The following ARPP21 variants were observed in gnomAD, a reference collection of about 807,000 sequenced individuals.
ARPP21 encodes the protein cAMP-regulated phosphoprotein 21.
A neutral mutation model predicts 113.2 loss-of-function variants in ARPP21; 69 were observed. The observed-to-expected ratio is 0.61, with a 90% confidence interval of 0.50 to 0.74. The LOEUF (loss-of-function observed/expected upper bound fraction) is 0.74, where lower values mean the gene tolerates loss of function less well. ARPP21 is among the 30% of genes least tolerant of loss of function. The pLI, the probability that ARPP21 is intolerant of heterozygous loss-of-function variation, is 0.00. For missense variants in ARPP21, 1,070 were observed against 1,037.4 expected, an observed-to-expected ratio of 1.03 and a Z score of -0.43; for synonymous variants, 368 against 375.5, an observed-to-expected ratio of 0.98 and a Z score of 0.23.
At chr3:35,744,585 C>G (rs371093204) in intron 19 of ARPP21, 1 of 508,796 alleles carries the variant, frequency 2.0e-6, no homozygotes, top group Non-Finnish European at 4.0e-6. Context: ...TGCCGTTATC[C>G]AAAGAGCAGC....
At chr3:35,680,336 C>A (rs1196950065) in intron 2 of ARPP21, among the ~76,000 whole-genome samples, 1 of 151,872 alleles carries the variant, frequency 6.6e-6, no homozygotes, top group Non-Finnish European at 1.5e-5. Context: ...TAAAACCTCC[C>A]AAAACCTGAA....
chr3:35,715,074 C>T (rs1559718297), intron 11 of ARPP21: 1 of 202,054 alleles, frequency 4.9e-6, no homozygotes, highest in African/African-American at 2.3e-5. Flanking sequence ...AACCCTTTCC[C>T]TTGGCTTCTG....
intron 8 of ARPP21, 122 bp downstream of exon 8, chr3:35,690,262 T>C (rs2081857237): frequency 1.6e-6 from 1 of 637,556 alleles, no homozygotes; most frequent in Non-Finnish European, 2.8e-6. Flanking sequence ...TTCCTTGATT[T>C]GTTAAATGGA....
intron 19 of ARPP21, among the ~76,000 whole-genome samples, chr3:35,749,771 C>T (rs1000139038): frequency 2.0e-5 from 3 of 151,942 alleles, no homozygotes; most frequent in African/African-American, 7.2e-5. Context: ...TATATTTAAT[C>T]TTTGCTTAGT....
At chr3:35,738,664 A>G (rs763465829) in intron 17 of ARPP21, among the ~76,000 whole-genome samples, 38 of 152,158 alleles carry the variant, frequency 2.5e-4, no homozygotes, top group Non-Finnish European at 5.1e-4. Context: ...TGGTGTTGGG[A>G]TGGGAACCAT....
intron 11 of ARPP21, among the ~76,000 whole-genome samples, chr3:35,713,266 A>G (rs1025105362): frequency 3.9e-5 from 6 of 152,042 alleles, no homozygotes; most frequent in Non-Finnish European, 5.9e-5. Context: ...GTTTATTTTC[A>G]TCAGCTAGTG....
In ARPP21 at chr3:35,661,764, G is replaced by T. The variant is rs141987406; in HGVS notation, c.-212-18023G>T. On this transcript the variant is annotated intron_variant, in intron 1 of 20. Coordinates refer to ENST00000684406, the MANE Select transcript of ARPP21 (RefSeq NM_001385562.1). The stretch of plus-strand genomic sequence containing the variant: ...CACAGTGGATGCCTTTGTATTTATT[G>T]TGTTACCTTGGGCAAGTTCCTTGAC... Among the ~76,000 whole-genome samples, 446 of 152,226 alleles carry T rather than the reference G, an allele frequency of 2.9e-3. 3 individuals are homozygous for T. The highest frequency in any genetic ancestry group is 0.01 in the African/African-American group (417 of 41,552).
At chr3:35,721,281 C>G (rs923761983) in intron 13 of ARPP21, among the ~76,000 whole-genome samples, 1 of 152,100 alleles carries the variant, frequency 6.6e-6, no homozygotes, top group African/African-American at 2.4e-5. Flanking sequence ...GAAGTTATCC[C>G]CCTATTCTAT....
Position 35,667,877 on chromosome 3 carries a change from GA to G in ARPP21, c.-212-11908del, listed in dbSNP as rs1559547746. Among the ~76,000 whole-genome samples the G allele has an allele frequency of 6.5e-4, 89 of 136,432 alleles. 5 individuals carry two copies. Among genetic ancestry groups the G allele is most frequent in the African/African-American group, 1.8e-3 (58 of 31,600 alleles). 89.5% of individuals were successfully genotyped at this position (136,432 alleles called of 152,430 possible). A position where few individuals can be genotyped will look rare whatever the true frequency, so the allele number is the denominator to read the frequency against. ...AGAAGAAGAAGAAGAAGAAGAAGAAGAAGAAGAAGAAGAGGAAGAGGAAGAG... is the reference window on the plus strand; with the variant it reads ...AGAAGAAGAAGAAGAAGAAGAAGAAGAGAAGAAGAAGAGGAAGAGGAAGAG... On this transcript the variant is annotated intron_variant, in intron 1 of 20. Coordinates refer to ENST00000684406, the MANE Select transcript of ARPP21 (RefSeq NM_001385562.1).
rs778243845 is a variant in ARPP21, at chr3:35,792,462, A to T, written c.2218A>T (p.Ile740Leu). 1 of 1,614,060 alleles carries T rather than the reference A, an allele frequency of 6.2e-7. No individual in the cohort carries two copies. Among genetic ancestry groups the T allele is most frequent in the Non-Finnish European group, 8.5e-7 (1 of 1,179,922 alleles). ...VQQPPQSQNVINNQQGTPVQS... is the reference protein window; with the variant it reads ...VQQPPQSQNVLNNQQGTPVQS... ...GCAGCCACCTCAGAGTCAGAACGTG[A>T]TAAATAACCAACAAGGAACTCCGGT... is the stretch of plus-strand genomic sequence containing the variant. Residue 740 changes from isoleucine (I) to leucine (L), a missense_variant, in exon 20 of 21, where the codon ATA (isoleucine) becomes TTA (leucine). Physicochemically the swap from Ile to Leu is conservative, Grantham distance 5. Transcript: ENST00000684406.
chr3:35,762,444 A>G (rs74601350), intron 19 of ARPP21, among the ~76,000 whole-genome samples: 2,059 of 152,172 alleles, frequency 0.014, 29 homozygotes, highest in South Asian at 0.054. Context: ...GTGTGATACT[A>G]TTCAGGGTAC....
chr3:35,792,263 A>T, intron 19 of ARPP21, 119 bp from the exon 20 acceptor site: 1 of 795,746 alleles, frequency 1.3e-6, no homozygotes, highest in East Asian at 2.4e-5. Context: ...CTGATAACAC[A>T]TTCTGAATGT....
At chr3:35,726,690 A>C (rs1383670397) in intron 14 of ARPP21, among the ~76,000 whole-genome samples, 1 of 152,152 alleles carries the variant, frequency 6.6e-6, no homozygotes, top group East Asian at 1.9e-4. Context: ...GGATTGTGAC[A>C]CTTCAGTCTG....
At chr3:35,767,879 G>A (rs1161818362) in intron 19 of ARPP21, among the ~76,000 whole-genome samples, 2 of 151,900 alleles carry the variant, frequency 1.3e-5, no homozygotes, top group East Asian at 3.9e-4. Context: ...CAGCCCACCA[G>A]TCCTTAAACA....
intron 1 of ARPP21, among the ~76,000 whole-genome samples, chr3:35,661,150 A>G (rs1009026681): frequency 6.6e-6 from 1 of 152,188 alleles, no homozygotes; most frequent in Non-Finnish European, 1.5e-5. Flanking sequence ...GATTACCTGT[A>G]CAATTGAAAC....
At chr3:35,648,217 C>T (rs966985717) in intron 1 of ARPP21, among the ~76,000 whole-genome samples, 1 of 152,074 alleles carries the variant, frequency 6.6e-6, no homozygotes, top group African/African-American at 2.4e-5. Flanking sequence ...TAATCTTCTG[C>T]CAGTTTGTAA....
chr3:35,669,126 C>T (rs1391311314), intron 1 of ARPP21, among the ~76,000 whole-genome samples: 1 of 151,790 alleles, frequency 6.6e-6, no homozygotes, highest in Non-Finnish European at 1.5e-5. Flanking sequence ...TTGGGTCTTC[C>T]TTCTTTCCTT....
At chr3:35,651,625 A>G (rs1702425577) in intron 1 of ARPP21, 1 of 152,088 alleles carries the variant, frequency 6.6e-6, no homozygotes, top group Admixed American at 6.6e-5. Context: ...GCAACTTAGT[A>G]GAAAGTTTCT....
intron 9 of ARPP21, among the ~76,000 whole-genome samples, chr3:35,697,744 T>A (rs944220322): frequency 6.6e-6 from 1 of 151,618 alleles, no homozygotes; most frequent in Non-Finnish European, 1.5e-5. Context: ...GAATCCTCGG[T>A]GTTTGGCCCT....
Sources: gnomAD v4.1 joint callset for allele counts (sites outside exome capture counted in the v4.1 genomes callset) on GRCh38, gnomAD v4.1.1 for gene constraint, MANE v1.5 for transcripts, NCBI Gene and HGNC (gene_info 2026-07-23, HGNC 2026-07-21) for gene names.